ARSG: variants seen among roughly 807,000 people sequenced by gnomAD.
ARSG encodes the protein arylsulfatase G, also known as ASG.
ARSG carries 37 observed loss-of-function variants against 50.5 expected under a neutral mutation model. That is an observed-to-expected ratio of 0.73 (90% confidence interval 0.56 to 0.96). ARSG has a LOEUF of 0.96. Ranked by LOEUF, ARSG falls within the 50% of genes least tolerant of loss-of-function variation. ARSG has a pLI of 0.00. For missense variants in ARSG, 629 were observed against 675.3 expected (o/e 0.93, Z 0.76); for synonymous variants, 225 against 254.6 (o/e 0.88, Z 1.11).
At chr17:68,324,599 G>A (rs369618595) in intron 2 of ARSG, among the ~76,000 whole-genome samples, 11 of 152,262 alleles carry the variant, frequency 7.2e-5, no homozygotes, top group African/African-American at 9.6e-5. Flanking sequence ...ATATGGCACC[G>A]TGATGAGACA....
chr17:68,322,965 A>G (rs1555771121), intron 2 of ARSG, among the ~76,000 whole-genome samples: 1 of 152,090 alleles, frequency 6.6e-6, no homozygotes, highest in East Asian at 1.9e-4. Context: ...CAAGGAGAAT[A>G]CAGTTCAAGA....
downstream of ARSG, chr17:68,422,152 G>A (rs908173947): frequency 1.6e-5 from 4 of 244,286 alleles, no homozygotes; most frequent in Admixed American, 1.9e-4. Context: ...TTTAGGCTGG[G>A]CGCGGTGGCT....
the ARSG span, among the ~76,000 whole-genome samples, chr17:68,437,016 ATGTGTGTG>A: frequency 6.9e-6 from 1 of 144,578 alleles, no homozygotes; most frequent in Admixed American, 6.9e-5. Context: ...ATATATATAT[ATGTGTGTG>A]TGTGTGTGTG....
At position 68,271,895 on chromosome 17, in the gene ARSG, C is replaced by T. The variant is rs763427873; in HGVS notation, c.-552+12469C>T. On this transcript the variant is annotated intron_variant, in intron 1 of 11. Coordinates refer to the ARSG transcript ENST00000448504. This position sits in a 1 kb window ranked among gnomAD's most constrained non-coding sequence, Gnocchi z 5.3. ...TCAGCTCACCGCAACCTCCACCTCC[C>T]GGGTTCAAGCGATTCTCCTGCCTCA... Among the ~76,000 whole-genome samples, 12 of 152,312 alleles carry T rather than the reference C, an allele frequency of 7.9e-5. No individual in the cohort carries two copies. The highest frequency in any genetic ancestry group is 1.3e-4 in the Non-Finnish European group (9 of 68,030).
chr17:68,284,103 C>CAAA (rs1189737736), intron 1 of ARSG, among the ~76,000 whole-genome samples: 49 of 56,202 alleles, frequency 8.7e-4, no homozygotes, highest in Middle Eastern at 9.8e-3. Flanking sequence ...GACTCTGTCT[C>CAAA]AAAAAAAAAA....
intron 2 of ARSG, among the ~76,000 whole-genome samples, chr17:68,338,233 G>A (rs558248265): frequency 1.5e-4 from 23 of 152,252 alleles, no homozygotes; most frequent in African/African-American, 3.4e-4. Context: ...GTGTGTGCGC[G>A]TGTGGGTGTC....
intron 8 of ARSG, among the ~76,000 whole-genome samples, chr17:68,384,631 T>C (rs1040008430): frequency 2.0e-5 from 3 of 152,228 alleles, no homozygotes; most frequent in African/African-American, 7.2e-5. Context: ...TTAATAGTTG[T>C]ATTTCTTCAT....
At chr17:68,435,482 C>T in the ARSG span, 1 of 825,746 alleles carries the variant, frequency 1.2e-6, no homozygotes, top group Non-Finnish European at 2.0e-6. Flanking sequence ...GCCAGAAATT[C>T]TCCCTCTGAA....
chr17:68,426,300 C>T, downstream of ARSG: 3 of 742,676 alleles, frequency 4.0e-6, no homozygotes, highest in South Asian at 1.6e-5. Context: ...TGTCTTCCCC[C>T]TGGAGGTACT....
chr17:68,262,950 G>A (rs1555745539), intron 1 of ARSG, among the ~76,000 whole-genome samples: 2 of 152,138 alleles, frequency 1.3e-5, no homozygotes, highest in South Asian at 2.1e-4. Context: ...GTGCAGAGAG[G>A]GTGCTTAAAG....
At chr17:68,439,204 C>T in the ARSG span, among the ~76,000 whole-genome samples, 2 of 152,208 alleles carry the variant, frequency 1.3e-5, no homozygotes, top group South Asian at 4.1e-4. Flanking sequence ...CAGCATTATT[C>T]ATAAGTCAAA....
chr17:68,272,108 G>T (rs1323090303), intron 1 of ARSG, among the ~76,000 whole-genome samples: 2 of 151,914 alleles, frequency 1.3e-5, no homozygotes, highest in African/African-American at 2.4e-5. Context: ...GCCTTTTTTT[G>T]TGTGTTTTAA....
At chr17:68,314,037 A>G (rs2145725083) in intron 2 of ARSG, among the ~76,000 whole-genome samples, 1 of 152,256 alleles carries the variant, frequency 6.6e-6, no homozygotes, top group South Asian at 2.1e-4. Flanking sequence ...GTGGTCAGTC[A>G]GTATCTGTCG....
In ARSG at chr17:68,399,689, C is replaced by T. The variant is rs191729017; in HGVS notation, c.1213-1671C>T. On this transcript the variant is annotated intron_variant, in intron 10 of 11. Coordinates refer to ENST00000621439, the MANE Select transcript of ARSG (RefSeq NM_001267727.2). The surrounding 1 kb of genome is among the most constrained non-coding windows in gnomAD (Gnocchi z 4.6). ...GGATTTTGGAAGTTGCCTCTGGTAA[C>T]GCCACATAAATAGTGGGAATATAGC... is the stretch of plus-strand genomic sequence containing the variant. 1.3e-5 allele frequency among the ~76,000 whole-genome samples: 2 copies of T among 152,298 alleles called. No homozygotes were observed. Among genetic ancestry groups the T allele is most frequent in the Admixed American group, 6.5e-5 (1 of 15,302 alleles).
intron 2 of ARSG, among the ~76,000 whole-genome samples, chr17:68,332,140 C>T (rs775378160): frequency 3.9e-5 from 6 of 152,166 alleles, no homozygotes; most frequent in African/African-American, 9.7e-5. Flanking sequence ...TATGTACAAC[C>T]GTGAAAGACA....
upstream of ARSG, among the ~76,000 whole-genome samples, chr17:68,290,531 T>G (rs1555755438): frequency 1.3e-5 from 2 of 152,130 alleles, no homozygotes; most frequent in African/African-American, 4.8e-5. Flanking sequence ...TGCCGGGAAA[T>G]CCCCGGCTTC....
chr17:68,424,310 T>C (rs1175834477), downstream of ARSG: 2 of 428,544 alleles, frequency 4.7e-6, no homozygotes, highest in Admixed American at 3.0e-5. Flanking sequence ...GCAGAGCCGA[T>C]GTGGGAAATC....
chr17:68,273,702 T>C (rs2075417149), intron 1 of ARSG, among the ~76,000 whole-genome samples: 1 of 151,942 alleles, frequency 6.6e-6, no homozygotes, highest in African/African-American at 2.4e-5. Flanking sequence ...ATTATCATCA[T>C]CTTTGGTGAA....
At chr17:68,362,111 T>C (rs1379143619) in intron 6 of ARSG, among the ~76,000 whole-genome samples, 1 of 152,088 alleles carries the variant, frequency 6.6e-6, no homozygotes, top group Non-Finnish European at 1.5e-5. Context: ...GAAAGACATG[T>C]TCCAGCCTTC....
Sources: allele counts gnomAD v4.1 joint callset (sites outside exome capture counted in the v4.1 genomes callset), GRCh38; gene constraint gnomAD v4.1.1; non-coding constraint Gnocchi (gnomAD v3.1); transcripts MANE v1.5; gene names NCBI Gene and HGNC (gene_info 2026-07-23, HGNC 2026-07-21).